The following C3AR1 variants were observed in gnomAD, a reference collection of about 807,000 sequenced individuals.
C3AR1 encodes the protein C3a anaphylatoxin chemotactic receptor.
For missense variants in C3AR1, 579 were observed against 583.5 expected (o/e 0.99, Z 0.08); for synonymous variants, 208 against 225.3 (o/e 0.92, Z 0.69).
intron 1 of C3AR1, among the ~76,000 whole-genome samples, chr12:8,063,797 C>T (rs748765462): frequency 1.1e-4 from 16 of 152,132 alleles, no homozygotes; most frequent in Non-Finnish European, 2.9e-5. Flanking sequence ...AAAGGCTGGG[C>T]GCAGTGGCTC....
At chr12:8,060,764 T>C (rs1947266481) in intron 1 of C3AR1, among the ~76,000 whole-genome samples, 1 of 152,238 alleles carries the variant, frequency 6.6e-6, no homozygotes, top group African/African-American at 2.4e-5. Context: ...CATCTGGAAG[T>C]CCATATTAGT....
At chr12:8,060,436 G>A (rs754366382) in intron 1 of C3AR1, among the ~76,000 whole-genome samples, 4 of 151,826 alleles carry the variant, frequency 2.6e-5, no homozygotes, top group Non-Finnish European at 4.4e-5. Context: ...CCTCTGTCGC[G>A]CAGGCTGGAG....
At chr12:8,060,417 C>G (rs988364216) in intron 1 of C3AR1, among the ~76,000 whole-genome samples, 5 of 152,130 alleles carry the variant, frequency 3.3e-5, no homozygotes, top group African/African-American at 1.2e-4. Flanking sequence ...ATTTTTCAGA[C>G]AGAGTCTTCC....
At chr12:8,060,700 T>C (rs1406049420) in intron 1 of C3AR1, among the ~76,000 whole-genome samples, 2 of 152,236 alleles carry the variant, frequency 1.3e-5, no homozygotes, top group African/African-American at 4.8e-5. Context: ...CATCCTATGA[T>C]AGACAATTTA....
At position 8,062,949 on chromosome 12, in the gene C3AR1, CTTTTTTTTTTTTT is replaced by C. The variant is rs71451936; in HGVS notation, c.-10-2767_-10-2755del. 1.1e-4 allele frequency among the ~76,000 whole-genome samples: 6 copies of C among 56,324 alleles called. No individual in the cohort carries two copies. The East Asian group carries it at 3.0e-3, about 28-fold the overall frequency. 37.0% of individuals were successfully genotyped at this position (56,324 alleles called of 152,430 possible). A position where few individuals can be genotyped will look rare whatever the true frequency, so the allele number is the denominator to read the frequency against. ...CAGGCGTGAGCCACCGCGCCCGGCC[CTTTTTTTTTTTTT>C]TTTTTTTTTTTTTGTGATGGAGTCT... On this transcript the variant is annotated intron_variant, in intron 1 of 1. Transcript: ENST00000307637.
At chr12:8,060,543 C>T (rs1431787709) in intron 1 of C3AR1, among the ~76,000 whole-genome samples, 5 of 152,152 alleles carry the variant, frequency 3.3e-5, no homozygotes, top group Non-Finnish European at 7.4e-5. Flanking sequence ...TACAGGCGTG[C>T]ACCACCACGC....
chr12:8,064,288 G>T (rs992244720), intron 1 of C3AR1, among the ~76,000 whole-genome samples: 5 of 152,240 alleles, frequency 3.3e-5, no homozygotes, highest in Non-Finnish European at 5.9e-5. Context: ...TTTTATAGAG[G>T]CTCAAAATAT....
rs372993031 is a variant in C3AR1 at position 8,059,940 on chromosome 12, C to A, written c.246G>T (p.Leu82Phe). ...CLSLPFSLAHLALQGQWPYGR... is the reference protein window; with the variant it reads ...CLSLPFSLAHFALQGQWPYGR... ...CGTAGGGCCACTGTCCCTGGAGAGC[C>A]AAGTGAGCCAGCGAGAAGGGCAAGG... The change falls in exon 2 of 2, where the codon TTG becomes TTT. Residue 82 changes from leucine to phenylalanine, a missense_variant. Leu to Phe is a conservative substitution (Grantham distance 22, BLOSUM62 0). Coordinates refer to ENST00000307637, the MANE Select transcript of C3AR1 (RefSeq NM_004054.4). 10 of 1,614,162 alleles carry A rather than the reference C, an allele frequency of 6.2e-6. No homozygotes were observed. Among genetic ancestry groups the A allele is most frequent in the Non-Finnish European group, 8.5e-6 (10 of 1,180,030 alleles).
intron 1 of C3AR1, among the ~76,000 whole-genome samples, chr12:8,062,725 A>T (rs1418477034): frequency 6.7e-6 from 1 of 149,682 alleles, no homozygotes; most frequent in South Asian, 2.1e-4. Flanking sequence ...GCTCACTGCA[A>T]CCTCCTCCTC....
chr12:8,058,552 G>A lies in C3AR1; in HGVS notation c.*185C>T, dbSNP rs1309647844. The A allele has an allele frequency of 1.5e-6, 1 of 661,920 alleles. No homozygotes were observed. Among genetic ancestry groups the A allele is most frequent in the African/African-American group, 1.8e-5 (1 of 54,930 alleles). 41.0% of individuals were successfully genotyped at this position (661,920 alleles called of 1,614,324 possible). ...TCAGCAAGTCTGGGATGCGGCTTGA[G>A]AATTTGCATTTCTAACAAGTTTCTA... is the stretch of plus-strand genomic sequence containing the variant. On this transcript the variant is annotated 3_prime_UTR_variant, in exon 2 of 2. Transcript: ENST00000307637.
chr12:8,061,935 C>G (rs1358095613), intron 1 of C3AR1, among the ~76,000 whole-genome samples: 1 of 152,150 alleles, frequency 6.6e-6, no homozygotes, highest in East Asian at 1.9e-4. Context: ...CCATTTTCTC[C>G]TTTTCTCAGC....
Position 8,058,498 on chromosome 12 carries a change from G to A in C3AR1, c.*239C>T, listed in dbSNP as rs1947218560. 1 of 471,808 alleles carries A rather than the reference G, an allele frequency of 2.1e-6. No individual in the cohort carries two copies. The highest frequency in any genetic ancestry group is 3.7e-6 in the Non-Finnish European group (1 of 266,870). The allele number at this position is 471,808 out of a possible 1,614,324, so 29.2% of individuals were successfully genotyped here. On this transcript the variant is annotated 3_prime_UTR_variant, in exon 2 of 2. Transcript: ENST00000307637. Reference sequence around the variant, plus strand: ...AAACGAGGGTTTGTTAAGTGCCCTTGCTGGGTCCCAACCCCCAGAGATTCC... The same window carrying A: ...AAACGAGGGTTTGTTAAGTGCCCTTACTGGGTCCCAACCCCCAGAGATTCC...
intron 1 of C3AR1, among the ~76,000 whole-genome samples, chr12:8,061,573 G>C (rs979076210): frequency 2.0e-5 from 3 of 151,724 alleles, no homozygotes; most frequent in Non-Finnish European, 4.4e-5. Context: ...AGCAATTATC[G>C]TGCCTCAGCC....
intron 1 of C3AR1, among the ~76,000 whole-genome samples, chr12:8,065,653 CAAA>C (rs753950088): frequency 1.2e-4 from 9 of 72,328 alleles, no homozygotes; most frequent in African/African-American, 3.9e-4. Context: ...GACTCTGTCT[CAAA>C]AAAAAAAAAA....
At chr12:8,062,698 G>A (rs1947286911) in intron 1 of C3AR1, among the ~76,000 whole-genome samples, 1 of 152,156 alleles carries the variant, frequency 6.6e-6, no homozygotes, top group Non-Finnish European at 1.5e-5. Context: ...ACGCTGGAGT[G>A]CAGTGGCGCG....
rs71451936 is a variant in C3AR1 at position 8,062,949 on chromosome 12, C to CTTT, written c.-10-2757_-10-2755dup. On this transcript the variant is annotated intron_variant, in intron 1 of 1. Coordinates refer to ENST00000307637, the MANE Select transcript of C3AR1 (RefSeq NM_004054.4). ...CAGGCGTGAGCCACCGCGCCCGGCC[C>CTTT]TTTTTTTTTTTTTTTTTTTTTTTTT... Among the ~76,000 whole-genome samples, 422 of 56,320 alleles carry CTTT rather than the reference C, an allele frequency of 7.5e-3. 65 individuals carry two copies. The highest frequency in any genetic ancestry group is 0.02 in the African/African-American group (279 of 14,002). The allele number at this position is 56,320 out of a possible 152,430, so 36.9% of individuals were successfully genotyped here.
At position 8,058,658 on chromosome 12, in the gene C3AR1, C is replaced by T; in HGVS notation, c.*79G>A. 4.1e-6 allele frequency: 6 copies of T among 1,462,292 alleles called. No homozygotes were observed. The highest frequency in any genetic ancestry group is 5.5e-6 in the Non-Finnish European group (6 of 1,082,000). 90.6% of individuals were successfully genotyped at this position (1,462,292 alleles called of 1,614,324 possible). A position where few individuals can be genotyped will look rare whatever the true frequency, so the allele number is the denominator to read the frequency against. On this transcript the variant is annotated 3_prime_UTR_variant, in exon 2 of 2. Transcript: ENST00000307637. Reference sequence around the variant, plus strand: ...TTGACAGTTTTTGAAGTCCGCTGCTCACCATATCACTTCATCCTCTTATAA... The same window carrying T: ...TTGACAGTTTTTGAAGTCCGCTGCTTACCATATCACTTCATCCTCTTATAA...
At chr12:8,064,865 T>A (rs56070462) in intron 1 of C3AR1, among the ~76,000 whole-genome samples, 17,837 of 151,792 alleles carry the variant, frequency 0.12, 1,458 homozygotes, top group African/African-American at 0.24. Flanking sequence ...ATTTTGTTGT[T>A]GTTGTTGTTG....
intron 1 of C3AR1, among the ~76,000 whole-genome samples, chr12:8,060,497 C>T (rs1242704816): frequency 1.3e-5 from 2 of 152,164 alleles, no homozygotes; most frequent in African/African-American, 2.4e-5. Flanking sequence ...CGAGTTCAAG[C>T]GATTCTCCTG....
Sources: allele counts gnomAD v4.1 joint callset (sites outside exome capture counted in the v4.1 genomes callset), GRCh38; gene constraint gnomAD v4.1.1; transcripts MANE v1.5; gene names NCBI Gene and HGNC (gene_info 2026-07-23, HGNC 2026-07-21).